The following CTNNA2 variants were observed in gnomAD, a reference collection of about 807,000 sequenced individuals.
The protein encoded by CTNNA2 is catenin alpha 2, also known as catenin alpha-2.
CTNNA2 carries 42 observed loss-of-function variants against 101.0 expected under a neutral mutation model. The ratio of observed to expected loss-of-function variants is 0.42; its 90% CI spans 0.32 to 0.54. The LOEUF is 0.54. Among genes scored for constraint, CTNNA2 ranks in the 20% least tolerant of loss-of-function variants. The pLI, the probability that CTNNA2 is intolerant of heterozygous loss-of-function variation, is 0.14. For missense variants in CTNNA2, 871 were observed against 1,223.1 expected, an observed-to-expected ratio of 0.71 and a Z score of 4.29; for synonymous variants, 450 against 456.4, an observed-to-expected ratio of 0.99 and a Z score of 0.18.
chr2:80,102,862 A>T (rs1700628835), intron 7 of CTNNA2, among the ~76,000 whole-genome samples: 1 of 152,168 alleles, frequency 6.6e-6, no homozygotes, highest in South Asian at 2.1e-4. Context: ...GGACGATGGG[A>T]TAAAAGGGTG....
Position 80,018,673 on chromosome 2 carries a change from C to T in CTNNA2, c.1056+108876C>T, listed in dbSNP as rs1325013234. On this transcript the variant is annotated intron_variant, in intron 7 of 18. Coordinates refer to ENST00000402739, the MANE Select transcript of CTNNA2 (RefSeq NM_001282597.3). ...GCACGTGCCTGTAGTCCCAGCTACT[C>T]GGGAGGCTGAGGCAGGAGAATCGTT... is the stretch of plus-strand genomic sequence containing the variant. Among the ~76,000 whole-genome samples, 4 of 150,686 alleles carry T rather than the reference C, an allele frequency of 2.7e-5. No individual in the cohort carries two copies. In the East Asian group the frequency reaches 5.9e-4, roughly 22 times the overall value.
At chr2:80,063,852 A>G (rs1290867409) in intron 7 of CTNNA2, among the ~76,000 whole-genome samples, 1 of 152,230 alleles carries the variant, frequency 6.6e-6, no homozygotes, top group Admixed American at 6.5e-5. Context: ...TTTCCAAAGT[A>G]TAAGAATTCA....
intron 3 of CTNNA2, among the ~76,000 whole-genome samples, chr2:79,796,187 G>C (rs1353481656): frequency 2.0e-5 from 3 of 152,162 alleles, no homozygotes; most frequent in African/African-American, 7.2e-5. Flanking sequence ...GACAGAGACA[G>C]ACCTTGTCAA....
chr2:79,402,290 T>C (rs1573148588), intron 4 of CTNNA2, among the ~76,000 whole-genome samples: 1 of 151,770 alleles, frequency 6.6e-6, no homozygotes, highest in Non-Finnish European at 1.5e-5. Flanking sequence ...TGAACAACAT[T>C]ATAAATGAAC....
At chr2:80,590,708 G>T (rs556374996) in intron 15 of CTNNA2, among the ~76,000 whole-genome samples, 15 of 151,894 alleles carry the variant, frequency 9.9e-5, no homozygotes, top group African/African-American at 2.4e-4. Context: ...TTTTAAAATT[G>T]TTTTTTTTAC....
chr2:79,236,557 A>C (rs2104247616), intron 2 of CTNNA2, among the ~76,000 whole-genome samples: 1 of 152,302 alleles, frequency 6.6e-6, no homozygotes, highest in African/African-American at 2.4e-5. Flanking sequence ...TCTTCTACAA[A>C]AGATTTCTCT....
intron 7 of CTNNA2, among the ~76,000 whole-genome samples, chr2:80,347,141 G>T (rs1246592059): frequency 6.6e-6 from 1 of 152,164 alleles, no homozygotes; most frequent in South Asian, 2.1e-4. Flanking sequence ...AGCGAGCACC[G>T]CAGTGGCAGA....
chr2:80,210,405 A>G (rs1707811014), intron 7 of CTNNA2, among the ~76,000 whole-genome samples: 2 of 147,910 alleles, frequency 1.4e-5, no homozygotes, highest in South Asian at 4.3e-4. Flanking sequence ...GATGTTCCCC[A>G]CCCTATGTCC....
At chr2:79,696,588 ACT>A (rs1166139243) in intron 2 of CTNNA2, among the ~76,000 whole-genome samples, 1 of 151,980 alleles carries the variant, frequency 6.6e-6, no homozygotes, top group Non-Finnish European at 1.5e-5. Context: ...GAGGGTCTGA[ACT>A]AATTTTAATC....
At chr2:79,847,685 T>C (rs1022730072) in intron 3 of CTNNA2, among the ~76,000 whole-genome samples, 1 of 152,048 alleles carries the variant, frequency 6.6e-6, no homozygotes, top group Non-Finnish European at 1.5e-5. Flanking sequence ...CTCCAAGGTA[T>C]TGTTAAAGTC....
chr2:79,831,120 A>G (rs2105426503), intron 3 of CTNNA2, among the ~76,000 whole-genome samples: 1 of 152,108 alleles, frequency 6.6e-6, no homozygotes, highest in South Asian at 2.1e-4. Context: ...CCAAATTACT[A>G]TAGTTTGCTT....
Position 80,642,902 on chromosome 2 carries a change from A to G in CTNNA2, c.2575-4683A>G, listed in dbSNP as rs192514999. Reference sequence around the variant, plus strand: ...TCAAAACACAAAATGAGGAGAGTATAGGGAACAGAAATCTTTTAGAAGTTG... The same window carrying G: ...TCAAAACACAAAATGAGGAGAGTATGGGGAACAGAAATCTTTTAGAAGTTG... On this transcript the variant is annotated intron_variant, in intron 18 of 18. Coordinates refer to ENST00000402739, the MANE Select transcript of CTNNA2 (RefSeq NM_001282597.3). Among the ~76,000 whole-genome samples, 189 of 152,282 alleles carry G rather than the reference A, an allele frequency of 1.2e-3. 2 individuals are homozygous for G. The highest frequency in any genetic ancestry group is 7.1e-4 in the Non-Finnish European group (48 of 68,020).
At chr2:79,973,526 A>G (rs1264366498) in intron 7 of CTNNA2, among the ~76,000 whole-genome samples, 1 of 152,212 alleles carries the variant, frequency 6.6e-6, no homozygotes, top group African/African-American at 2.4e-5. Context: ...GGAAAAAAAT[A>G]TTGAAGCCTG....
At chr2:79,896,929 C>T (rs1295746085) in intron 6 of CTNNA2, among the ~76,000 whole-genome samples, 4 of 152,114 alleles carry the variant, frequency 2.6e-5, no homozygotes, top group Non-Finnish European at 5.9e-5. Context: ...ACCACTTTGG[C>T]AGGAGCCGGG....
At chr2:80,013,278 C>A (rs1261065427) in intron 7 of CTNNA2, among the ~76,000 whole-genome samples, 1 of 152,146 alleles carries the variant, frequency 6.6e-6, no homozygotes, top group Non-Finnish European at 1.5e-5. Context: ...GAGTTTTCAC[C>A]CTTTTATTAT....
rs1405665525 is a variant in CTNNA2 at position 79,956,481 on chromosome 2, C to T, written c.1056+46684C>T. Among the ~76,000 whole-genome samples, 3 of 152,138 alleles carry T rather than the reference C, an allele frequency of 2.0e-5. No individual in the cohort carries two copies. In the South Asian group the frequency reaches 6.2e-4, roughly 32 times the overall value. ...TTTCATACAACTTTTAAGAACCATT[C>T]CTTTATCAATATAAAGTATTCCCTT... On this transcript the variant is annotated intron_variant, in intron 7 of 18. Coordinates refer to ENST00000402739, the MANE Select transcript of CTNNA2 (RefSeq NM_001282597.3).
intron 7 of CTNNA2, chr2:80,162,792 C>A (rs1704412136): frequency 6.3e-7 from 1 of 1,588,070 alleles, no homozygotes; most frequent in Admixed American, 1.7e-5. Context: ...TGACATTTGT[C>A]TCAAAGCACT....
At chr2:80,426,526 T>C (rs1681008950) in intron 9 of CTNNA2, among the ~76,000 whole-genome samples, 1 of 152,152 alleles carries the variant, frequency 6.6e-6, no homozygotes, top group Non-Finnish European at 1.5e-5. Context: ...CACAGGCCTC[T>C]TTTATCTGCC....
At chr2:79,743,933 A>G (rs544246635) in intron 2 of CTNNA2, among the ~76,000 whole-genome samples, 48 of 152,266 alleles carry the variant, frequency 3.2e-4, no homozygotes, top group Non-Finnish European at 6.3e-4. Flanking sequence ...TTGGCTACTC[A>G]TTATTTATTA....
Sources: allele counts gnomAD v4.1 joint callset (sites outside exome capture counted in the v4.1 genomes callset), GRCh38; gene constraint gnomAD v4.1.1; transcripts MANE v1.5; gene names NCBI Gene and HGNC (gene_info 2026-07-23, HGNC 2026-07-21).